Variants in GFRA3 observed in about 807,000 individuals in gnomAD.
GFRA3 encodes the protein GDNF family receptor alpha-3.
Under a neutral mutation model 40.0 loss-of-function variants are expected in GFRA3, and 24 were observed. The observed-to-expected ratio is 0.60, with a 90% CI of 0.43 to 0.84. The LOEUF is 0.84. GFRA3 is among the 40% of genes least tolerant of loss of function. GFRA3 has a pLI of 0.00. For synonymous variants in GFRA3, 203 were observed against 213.5 expected, an observed-to-expected ratio of 0.95 and a Z score of 0.43; for missense variants, 405 against 530.6, an observed-to-expected ratio of 0.76 and a Z score of 2.33.
intron 2 of GFRA3, among the ~76,000 whole-genome samples, chr5:138,261,715 A>AAAAG (rs1554110500): frequency 7.9e-5 from 12 of 151,016 alleles, no homozygotes; most frequent in African/African-American, 2.2e-4. Flanking sequence ...AAAAAAAAAA[A>AAAAG]AAGAAGAAGA....
At chr5:138,256,984 A>C (rs1418722613) in intron 4 of GFRA3, among the ~76,000 whole-genome samples, 1 of 151,940 alleles carries the variant, frequency 6.6e-6, no homozygotes, top group Non-Finnish European at 1.5e-5. Context: ...ACAGTAAGTA[A>C]AAAAATAAGC....
intron 1 of GFRA3, among the ~76,000 whole-genome samples, chr5:138,271,913 T>TTTTTGTGTGTGTGTGTGTG (rs59830655): frequency 3.7e-5 from 2 of 54,332 alleles, no homozygotes; most frequent in African/African-American, 7.0e-5. Flanking sequence ...TTTTTTTTTT[T>TTTTTGTGTGTGTGTGTGTG]TGTGTGTGTG....
rs35302809 is a variant in GFRA3 at position 138,256,230 on chromosome 5, T to TAA, written c.785+1407_785+1408dup. 3.9e-3 allele frequency among the ~76,000 whole-genome samples: 411 copies of TAA among 106,512 alleles called. 2 individuals carry two copies. Among genetic ancestry groups the TAA allele is most frequent in the African/African-American group, 0.013 (304 of 24,060 alleles). The allele number at this position is 106,512 out of a possible 152,430, so 69.9% of individuals were successfully genotyped here. On this transcript the variant is annotated intron_variant, in intron 4 of 7. Transcript: ENST00000274721. ...TGGGTGACAAAACAAGACTCCGTCT[T>TAA]AAAAAAAAAAAAAAATCGCTGGGCA...
chr5:138,255,174 G>A (rs1231827966), intron 4 of GFRA3, among the ~76,000 whole-genome samples: 1 of 152,088 alleles, frequency 6.6e-6, no homozygotes, highest in Non-Finnish European at 1.5e-5. Flanking sequence ...GGGTTCTTGT[G>A]AGGTTTAGAT....
intron 2 of GFRA3, among the ~76,000 whole-genome samples, chr5:138,261,445 C>T (rs761270436): frequency 3.3e-5 from 5 of 152,004 alleles, no homozygotes; most frequent in South Asian, 2.1e-4. Flanking sequence ...CCTGTAATCC[C>T]GGCATTTTGG....
chr5:138,253,903 G>A lies in GFRA3; in HGVS notation c.890-3C>T. The A allele has an allele frequency of 6.2e-7, 1 of 1,613,136 alleles. No homozygotes were observed. Among genetic ancestry groups the A allele is most frequent in the Non-Finnish European group, 8.5e-7 (1 of 1,179,182 alleles). On this transcript the variant is annotated splice_region_variant and splice_polypyrimidine_tract_variant and intron_variant, in intron 5 of 7. Transcript: ENST00000274721. Reference sequence around the variant, plus strand: ...AAAGTTGGGGGTCATGGCAGTCCCTGTGAAGAGGGAAAGGGTAGTCAAGGC... The same window carrying A: ...AAAGTTGGGGGTCATGGCAGTCCCTATGAAGAGGGAAAGGGTAGTCAAGGC...
intron 3 of GFRA3, among the ~76,000 whole-genome samples, chr5:138,258,206 G>A (rs1205840012): frequency 1.1e-5 from 1 of 89,462 alleles, no homozygotes; most frequent in East Asian, 3.2e-4. Context: ...TTGAGACGGA[G>A]TTTTGCTCTT....
intron 2 of GFRA3, among the ~76,000 whole-genome samples, chr5:138,263,858 G>T (rs983561007): frequency 2.0e-5 from 3 of 152,164 alleles, no homozygotes; most frequent in Non-Finnish European, 2.9e-5. Flanking sequence ...TGGTTAATGA[G>T]TATTCTTTCT....
chr5:138,266,660 T>A (rs1445783719), intron 1 of GFRA3, among the ~76,000 whole-genome samples: 1 of 149,670 alleles, frequency 6.7e-6, no homozygotes, highest in East Asian at 2.0e-4. Flanking sequence ...GTATCTTCAT[T>A]TCTTTTTCTT....
intron 2 of GFRA3, among the ~76,000 whole-genome samples, chr5:138,261,321 A>C (rs1755706402): frequency 6.6e-6 from 1 of 152,256 alleles, no homozygotes; most frequent in Admixed American, 6.5e-5. Context: ...GTACTACAAG[A>C]TATAAGCTCA....
chr5:138,259,449 C>A (rs1035661966), intron 3 of GFRA3, 108 bp downstream of exon 3: 4 of 721,654 alleles, frequency 5.5e-6, no homozygotes, highest in Non-Finnish European at 1.0e-5. Flanking sequence ...ACCTGGTAGG[C>A]TAGAAACATT....
Position 138,273,343 on chromosome 5 carries a change from T to C in GFRA3, c.91+991A>G, listed in dbSNP as rs147546068. 4.5e-3 allele frequency among the ~76,000 whole-genome samples: 688 copies of C among 152,330 alleles called. 4 individuals are homozygous for C. Among genetic ancestry groups the C allele is most frequent in the Non-Finnish European group, 5.9e-3 (400 of 68,012 alleles). On this transcript the variant is annotated intron_variant, in intron 1 of 7. Coordinates refer to ENST00000274721, the MANE Select transcript of GFRA3 (RefSeq NM_001496.4). ...AGTATTACTGTGGAAAATAGATCTG[T>C]CACCAACACTGCTTCATTAAACCAT... is the stretch of plus-strand genomic sequence containing the variant.
At chr5:138,274,196 C>T (rs1755915740) in intron 1 of GFRA3, 138 bp downstream of exon 1, 3 of 1,164,650 alleles carry the variant, frequency 2.6e-6, no homozygotes, top group African/African-American at 3.2e-5. Flanking sequence ...CCCTGGGCTT[C>T]CTGCTCCAGT....
At position 138,265,375 on chromosome 5, in the gene GFRA3, C is replaced by T. The variant is rs967851343; in HGVS notation, c.92-827G>A. ...GGGATTACAGGCGTGCGCCATCACA[C>T]GCCCAGCTAATTTTATATTTTTAGT... On this transcript the variant is annotated intron_variant, in intron 1 of 7. Coordinates refer to ENST00000274721, the MANE Select transcript of GFRA3 (RefSeq NM_001496.4). Among the ~76,000 whole-genome samples, 98 of 152,168 alleles carry T rather than the reference C, an allele frequency of 6.4e-4. 1 individual carries two copies. The highest frequency in any genetic ancestry group is 2.0e-3 in the Admixed American group (31 of 15,282).
chr5:138,269,146 T>C (rs1265609839), intron 1 of GFRA3, among the ~76,000 whole-genome samples: 1 of 152,148 alleles, frequency 6.6e-6, no homozygotes, highest in East Asian at 1.9e-4. Flanking sequence ...ACAGTAGATG[T>C]TGGCATGGAT....
chr5:138,265,899 T>C (rs375135804), intron 1 of GFRA3, among the ~76,000 whole-genome samples: 3 of 152,144 alleles, frequency 2.0e-5, no homozygotes, highest in African/African-American at 7.2e-5. Context: ...TTTCATCACG[T>C]TGGCCAGACT....
At position 138,264,388 on chromosome 5, in the gene GFRA3, A is replaced by G. The variant is rs552683414; in HGVS notation, c.252T>C (p.Ala84=). 1.2e-6 allele frequency: 2 copies of G among 1,614,136 alleles called. No individual in the cohort carries two copies. Among genetic ancestry groups the G allele is most frequent in the East Asian group, 4.5e-5 (2 of 44,874 alleles). The change falls in exon 2 of 8, where the codon GCT becomes GCC. Residue 84 remains alanine (A), a synonymous_variant. Coordinates refer to ENST00000274721, the MANE Select transcript of GFRA3 (RefSeq NM_001496.4). ...GTTGCTGTGCTGCCTCCAGGCAGTC[A>G]GCAGGGACCGAAGGCTCCTCTGAGG... The part of the protein sequence containing the change: ...PLPSEEPSVP[A]DCLEAAQQLR...
chr5:138,260,351 A>G (rs997052167), intron 2 of GFRA3, among the ~76,000 whole-genome samples: 4 of 152,242 alleles, frequency 2.6e-5, no homozygotes, highest in African/African-American at 9.6e-5. Flanking sequence ...AACAGAGACA[A>G]GGCCAACTCA....
rs760364467 is a variant in GFRA3, at chr5:138,253,792, C to T, written c.998G>A (p.Gly333Glu). 6.8e-6 allele frequency: 11 copies of T among 1,613,840 alleles called. No individual in the cohort carries two copies. The highest frequency in any genetic ancestry group is 9.3e-6 in the Non-Finnish European group (11 of 1,179,974). ...NLQEECEMLE[G>E]FFSHNPCLTE... ...GAGGCAGGGGTTGTGGGAGAAGAAC[C>T]CTTCCAGCATTTCACACTCCTCCTG... Residue 333 changes from glycine to glutamate, a missense_variant, in exon 6 of 8, where the codon GGG becomes GAG. Transcript: ENST00000274721.
Sources: allele counts gnomAD v4.1 joint callset (sites outside exome capture counted in the v4.1 genomes callset), GRCh38; gene constraint gnomAD v4.1.1; transcripts MANE v1.5; gene names NCBI Gene and HGNC (gene_info 2026-07-23, HGNC 2026-07-21).